Variants in DNM3 observed in about 807,000 individuals in gnomAD.
The protein encoded by DNM3 is dynamin-3.
In DNM3, 47 loss-of-function variants were observed where a neutral mutation model predicts 101.6. That is an observed-to-expected ratio of 0.46 (90% CI 0.37 to 0.59). The LOEUF is 0.59. Among genes scored for constraint, DNM3 ranks in the 20% least tolerant of loss-of-function variants. DNM3 has a pLI of 0.00. For missense variants in DNM3, 849 were observed against 1,085.7 expected (o/e 0.78, Z 3.06); for synonymous variants, 385 against 387.9 (o/e 0.99, Z 0.09).
chr1:172,253,709 T>A, intron 15 of DNM3, 27 bp downstream of exon 15: 1 of 1,474,034 alleles, frequency 6.8e-7, no homozygotes. Flanking sequence ...GTTCCTGTCT[T>A]CAGATTTTTT....
At chr1:171,866,370 A>G (rs1053957781) in intron 1 of DNM3, among the ~76,000 whole-genome samples, 11 of 152,014 alleles carry the variant, frequency 7.2e-5, no homozygotes, top group African/African-American at 2.2e-4. Flanking sequence ...ATAGGTAGCC[A>G]TTCTCTGAAA....
At chr1:172,068,372 AT>A (rs2051869217) in intron 10 of DNM3, among the ~76,000 whole-genome samples, 1 of 152,128 alleles carries the variant, frequency 6.6e-6, no homozygotes, top group Admixed American at 6.5e-5. Context: ...GAGGTTAATA[AT>A]TATATCTGTC....
At chr1:171,909,940 G>A (rs1013366348) in intron 1 of DNM3, among the ~76,000 whole-genome samples, 1 of 152,158 alleles carries the variant, frequency 6.6e-6, no homozygotes, top group Non-Finnish European at 1.5e-5. Flanking sequence ...CCACACGCTT[G>A]TGGAATACTC....
chr1:171,987,319 T>C, intron 2 of DNM3: 1 of 985,300 alleles, frequency 1.0e-6, no homozygotes, highest in Non-Finnish European at 1.2e-6. Flanking sequence ...GTATCCCAGA[T>C]CTAATGTCTT....
intron 15 of DNM3, among the ~76,000 whole-genome samples, chr1:172,308,117 C>A (rs1036111092): frequency 3.3e-5 from 5 of 152,096 alleles, no homozygotes; most frequent in Non-Finnish European, 7.4e-5. Flanking sequence ...TCTCTACTTT[C>A]CAAATATTTA....
intron 17 of DNM3, among the ~76,000 whole-genome samples, chr1:172,337,503 A>T (rs1165798392): frequency 6.6e-6 from 1 of 152,226 alleles, no homozygotes; most frequent in East Asian, 1.9e-4. Context: ...GGTGATACAC[A>T]AAGTATATTA....
In DNM3 at chr1:172,409,497, A is replaced by ACATAAAG; in HGVS notation, c.*1657_*1663dup. On this transcript the variant is annotated 3_prime_UTR_variant, in exon 21 of 21. Transcript: ENST00000627582. Reference sequence around the variant, plus strand: ...GTAAAAATCAGAAAATACAAGATTTACATAAAGGTCATTTCAACTTTTAAG... The same window carrying ACATAAAG: ...GTAAAAATCAGAAAATACAAGATTTACATAAAGCATAAAGGTCATTTCAACTTTTAAG... 2 of 984,136 alleles carry ACATAAAG rather than the reference A, an allele frequency of 2.0e-6. No homozygotes were observed. Among genetic ancestry groups the ACATAAAG allele is most frequent in the South Asian group, 9.4e-5 (2 of 21,262 alleles). 61.0% of individuals were successfully genotyped at this position (984,136 alleles called of 1,614,324 possible).
chr1:172,224,238 G>A (rs931427883), intron 14 of DNM3, among the ~76,000 whole-genome samples: 6 of 152,088 alleles, frequency 3.9e-5, no homozygotes, highest in Admixed American at 3.3e-4. Context: ...GACACACCTT[G>A]CACTGCCCCT....
chr1:172,202,476 A>G (rs999191029), intron 14 of DNM3, among the ~76,000 whole-genome samples: 2 of 152,152 alleles, frequency 1.3e-5, no homozygotes, highest in Non-Finnish European at 2.9e-5. Context: ...ACGCTTTCAA[A>G]TATCCTACTT....
At chr1:172,049,250 A>G (rs78063878) in intron 10 of DNM3, among the ~76,000 whole-genome samples, 2,026 of 152,218 alleles carry the variant, frequency 0.013, 46 homozygotes, top group African/African-American at 0.046. Context: ...TGGCTCTGAT[A>G]CTTTCTGTGT....
At chr1:171,977,038 C>A (rs1017408615) in intron 2 of DNM3, among the ~76,000 whole-genome samples, 12 of 152,108 alleles carry the variant, frequency 7.9e-5, no homozygotes, top group South Asian at 4.1e-4. Flanking sequence ...TTTTATTTGG[C>A]AGATCATCTT....
At chr1:172,000,187 G>A (rs1412808185) in intron 4 of DNM3, among the ~76,000 whole-genome samples, 2 of 152,072 alleles carry the variant, frequency 1.3e-5, no homozygotes, top group Non-Finnish European at 2.9e-5. Context: ...AGGGAAAATA[G>A]CAGAGGTGAT....
At chr1:171,995,096 G>GTTTTTTTTTTTTTTTTTTTTTTTT in intron 4 of DNM3, among the ~76,000 whole-genome samples, 1 of 49,636 alleles carries the variant, frequency 2.0e-5, no homozygotes, top group Non-Finnish European at 3.7e-5. Context: ...TGAAATCCAG[G>GTTTTTTTTTTTTTTTTTTTTTTTT]TTTTTTTTTT....
At chr1:172,381,690 T>C (rs1399221373) in intron 18 of DNM3, among the ~76,000 whole-genome samples, 3 of 152,112 alleles carry the variant, frequency 2.0e-5, no homozygotes, top group Admixed American at 1.3e-4. Context: ...TCTAGATGTA[T>C]TGATTTTTTA....
chr1:172,093,973 C>A (rs532562018), intron 13 of DNM3, among the ~76,000 whole-genome samples: 1 of 152,254 alleles, frequency 6.6e-6, no homozygotes, highest in East Asian at 1.9e-4. Flanking sequence ...TAATAATAAA[C>A]CCTTAACACT....
At chr1:172,042,474 A>G (rs538416436) in intron 8 of DNM3, among the ~76,000 whole-genome samples, 2 of 152,304 alleles carry the variant, frequency 1.3e-5, no homozygotes, top group African/African-American at 4.8e-5. Flanking sequence ...TTGCTTGTCT[A>G]GTGGGGAAAG....
chr1:172,193,827 AT>A (rs1411695186), intron 14 of DNM3, among the ~76,000 whole-genome samples: 1 of 152,004 alleles, frequency 6.6e-6, no homozygotes, highest in Non-Finnish European at 1.5e-5. Context: ...GGATTCATTG[AT>A]TTTTTGAAGA....
Position 172,107,799 on chromosome 1 carries a change from C to T in DNM3, c.1545+14924C>T, listed in dbSNP as rs1273389191. On this transcript the variant is annotated intron_variant, in intron 13 of 20. Transcript: ENST00000627582. ...GAAAATAAATATGTCCCAAATTCAC[C>T]ATGACCAAGGCAAATTTCAGTTTCT... Among the ~76,000 whole-genome samples the T allele has an allele frequency of 3.9e-5, 6 of 152,192 alleles. No homozygotes were observed. The South Asian group carries it at 1.2e-3, about 31-fold the overall frequency.
chr1:172,275,141 A>T (rs1400329231), intron 15 of DNM3, among the ~76,000 whole-genome samples: 1 of 152,078 alleles, frequency 6.6e-6, no homozygotes, highest in Non-Finnish European at 1.5e-5. Context: ...TAGTTATGGT[A>T]GTGTGGGCTC....
Sources: gnomAD v4.1 joint callset for allele counts (sites outside exome capture counted in the v4.1 genomes callset) on GRCh38, gnomAD v4.1.1 for gene constraint, MANE v1.5 for transcripts, NCBI Gene and HGNC (gene_info 2026-07-23, HGNC 2026-07-21) for gene names.